Variants in CSNK1G3 observed in about 807,000 individuals in gnomAD.
CSNK1G3 encodes casein kinase I isoform gamma-3.
CSNK1G3 carries 23 observed loss-of-function variants against 64.3 expected under a neutral mutation model. That is an observed-to-expected ratio of 0.36 (90% CI 0.26 to 0.51). The LOEUF is 0.51. CSNK1G3 is among the 20% of genes least tolerant of loss of function. The probability of loss-of-function intolerance (pLI) is 0.96; values close to 1 mark genes in which losing one functional copy is unlikely to be tolerated. For missense variants in CSNK1G3, 357 were observed against 510.5 expected (o/e 0.70, Z 2.90); for synonymous variants, 158 against 162.2 (o/e 0.97, Z 0.20).
chr5:123,604,648 C>A (rs1795034137), intron 10 of CSNK1G3, 76 bp from the exon 12 acceptor site: 1 of 684,730 alleles, frequency 1.5e-6, no homozygotes, highest in Admixed American at 2.8e-5. Flanking sequence ...CCTTGTATAA[C>A]CTATTTAATA....
At chr5:123,610,587 G>T (rs1195416523) in intron 12 of CSNK1G3, among the ~76,000 whole-genome samples, 3 of 152,196 alleles carry the variant, frequency 2.0e-5, no homozygotes, top group Non-Finnish European at 4.4e-5. Flanking sequence ...AAGCCTGTAT[G>T]TGTTTTAGGA....
intron 4 of CSNK1G3, among the ~76,000 whole-genome samples, chr5:123,561,780 C>T (rs1248336874): frequency 6.6e-6 from 1 of 152,120 alleles, no homozygotes; most frequent in Non-Finnish European, 1.5e-5. Context: ...GACAGTTTCT[C>T]TCTCTCTTAA....
At chr5:123,524,423 C>G (rs556536963) in intron 1 of CSNK1G3, among the ~76,000 whole-genome samples, 1 of 152,308 alleles carries the variant, frequency 6.6e-6, no homozygotes, top group Admixed American at 6.5e-5. Flanking sequence ...ACAGGCAGCC[C>G]TCTCTTTTAC....
intron 1 of CSNK1G3, among the ~76,000 whole-genome samples, chr5:123,518,966 G>A (rs1434831126): frequency 6.6e-6 from 1 of 152,208 alleles, no homozygotes; most frequent in African/African-American, 2.4e-5. Context: ...CTCCATGCTG[G>A]CCAGGCTGGT....
chr5:123,524,628 C>T (rs989965094), intron 1 of CSNK1G3, among the ~76,000 whole-genome samples: 1 of 151,900 alleles, frequency 6.6e-6, no homozygotes, highest in Non-Finnish European at 1.5e-5. Context: ...ATTTCTTTTC[C>T]TCTTCCTCCT....
chr5:123,533,195 T>TGTG (rs1780218965), intron 1 of CSNK1G3, among the ~76,000 whole-genome samples: 1 of 151,966 alleles, frequency 6.6e-6, no homozygotes, highest in Non-Finnish European at 1.5e-5. Flanking sequence ...CTTTGCAGGA[T>TGTG]GTGGATATTC....
At chr5:123,525,669 C>G (rs1001523420) in intron 1 of CSNK1G3, among the ~76,000 whole-genome samples, 1 of 151,986 alleles carries the variant, frequency 6.6e-6, no homozygotes, top group African/African-American at 2.4e-5. Flanking sequence ...ATAATAAACA[C>G]AAGCATCTGA....
Position 123,545,398 on chromosome 5 carries a change from C to T in CSNK1G3, c.-247-19C>T. Reference sequence around the variant, plus strand: ...TTTAAAATTCTTAGTTGACTAATTTCCTTTTCTTAATATTCTAGCTCTCTA... The same window carrying T: ...TTTAAAATTCTTAGTTGACTAATTTTCTTTTCTTAATATTCTAGCTCTCTA... On this transcript the variant is annotated intron_variant, in intron 1 of 12. Transcript: ENST00000345990. 3 of 284,600 alleles carry T rather than the reference C, an allele frequency of 1.1e-5. No homozygotes were observed. The highest frequency in any genetic ancestry group is 2.0e-5 in the Non-Finnish European group (3 of 153,566). The allele number at this position is 284,600 out of a possible 1,614,324, so 17.6% of individuals were successfully genotyped here. A position where few individuals can be genotyped will look rare whatever the true frequency, so the allele number is the denominator to read the frequency against.
chr5:123,601,878 A>G (rs1581403780), intron 10 of CSNK1G3, among the ~76,000 whole-genome samples: 1 of 152,190 alleles, frequency 6.6e-6, no homozygotes, highest in South Asian at 2.1e-4. Flanking sequence ...TATGTACTGG[A>G]TACAGGCACT....
chr5:123,528,827 T>C (rs1203784879), intron 1 of CSNK1G3, among the ~76,000 whole-genome samples: 1 of 152,208 alleles, frequency 6.6e-6, no homozygotes, highest in Non-Finnish European at 1.5e-5. Flanking sequence ...ATTTGTAAAT[T>C]TACTTGCTTG....
chr5:123,610,236 GAT>G (rs1414531467), intron 12 of CSNK1G3, among the ~76,000 whole-genome samples: 2 of 152,098 alleles, frequency 1.3e-5, no homozygotes, highest in Non-Finnish European at 2.9e-5. Context: ...GAGATCCAGA[GAT>G]ATGAAATTAC....
chr5:123,573,629 A>G (rs561688356), intron 5 of CSNK1G3, 88 bp downstream of exon 5: 195 of 1,207,882 alleles, frequency 1.6e-4, no homozygotes, highest in Middle Eastern at 1.2e-3. Flanking sequence ...GTTCTGTGAT[A>G]TTGTCTTACA....
At chr5:123,599,868 T>C (rs1794139893) in intron 10 of CSNK1G3, among the ~76,000 whole-genome samples, 1 of 152,062 alleles carries the variant, frequency 6.6e-6, no homozygotes, top group South Asian at 2.1e-4. Context: ...ATTTTTTTTT[T>C]ACAATAACAT....
intron 1 of CSNK1G3, among the ~76,000 whole-genome samples, chr5:123,545,048 C>T (rs899376219): frequency 6.6e-6 from 1 of 151,926 alleles, no homozygotes; most frequent in Non-Finnish European, 1.5e-5. Flanking sequence ...AATTCATTCT[C>T]TTTCTACTTT....
intron 12 of CSNK1G3, 72 bp from the exon 14 acceptor site, chr5:123,614,270 T>A (rs1425715310): frequency 2.1e-6 from 3 of 1,447,490 alleles, no homozygotes; most frequent in Non-Finnish European, 2.9e-6. Context: ...ATCATTTAAG[T>A]TAAAGTGATA....
rs1387887385 is a variant in CSNK1G3 at position 123,575,669 on chromosome 5, A to G, written c.439-60A>G. ...TTTCATTCTGTCTTGCCTTTATCAT[A>G]CTTGCTTAGGCTAGTCAAAGCCCAA... On this transcript the variant is annotated intron_variant, in intron 5 of 12. Coordinates refer to ENST00000345990, the Ensembl canonical transcript of CSNK1G3. The G allele has an allele frequency of 1.1e-5, 11 of 976,368 alleles. No homozygotes were observed. The African/African-American group carries it at 1.6e-4, about 15-fold the overall frequency. The allele number at this position is 976,368 out of a possible 1,614,324, so 60.5% of individuals were successfully genotyped here. A position where few individuals can be genotyped will look rare whatever the true frequency, so the allele number is the denominator to read the frequency against.
At chr5:123,577,651 A>G (rs1789439358) in intron 6 of CSNK1G3, among the ~76,000 whole-genome samples, 1 of 152,114 alleles carries the variant, frequency 6.6e-6, no homozygotes. Flanking sequence ...CAGATTGCCA[A>G]ATGATACCAC....
chr5:123,528,024 A>G (rs1407672527), intron 1 of CSNK1G3, among the ~76,000 whole-genome samples: 1 of 152,158 alleles, frequency 6.6e-6, no homozygotes, highest in Non-Finnish European at 1.5e-5. Flanking sequence ...GTTCTCAGTC[A>G]TAATTTTACT....
chr5:123,528,137 T>C (rs535140213), intron 1 of CSNK1G3, among the ~76,000 whole-genome samples: 1 of 152,182 alleles, frequency 6.6e-6, no homozygotes, highest in East Asian at 1.9e-4. Flanking sequence ...GAGGCTCTTA[T>C]TGTTTAATGA....
Sources: gnomAD v4.1 joint callset for allele counts (sites outside exome capture counted in the v4.1 genomes callset) on GRCh38, gnomAD v4.1.1 for gene constraint, MANE v1.5 for transcripts, NCBI Gene and HGNC (gene_info 2026-07-23, HGNC 2026-07-21) for gene names.